The following DGKG variants were observed in gnomAD, a reference collection of about 807,000 sequenced individuals.
DGKG encodes diacylglycerol kinase gamma, also known as DAG kinase gamma.
In DGKG, 78 loss-of-function variants were observed where a neutral mutation model predicts 105.3. The ratio of observed to expected loss-of-function variants is 0.74; its 90% CI spans 0.62 to 0.89. The LOEUF (loss-of-function observed/expected upper bound fraction) is 0.89, where lower values mean the gene tolerates loss of function less well. DGKG is among the 40% of genes least tolerant of loss of function. The pLI, the probability that DGKG is intolerant of heterozygous loss-of-function variation, is 0.00. For missense variants in DGKG, 958 were observed against 1,020.1 expected, an observed-to-expected ratio of 0.94 and a Z score of 0.83; for synonymous variants, 346 against 367.1, an observed-to-expected ratio of 0.94 and a Z score of 0.66.
In DGKG at chr3:186,164,916, C is replaced by A; in HGVS notation, c.2198G>T (p.Cys733Phe). The A allele has an allele frequency of 1.9e-6, 3 of 1,613,366 alleles. No individual in the cohort carries two copies. The highest frequency in any genetic ancestry group is 2.5e-6 in the Non-Finnish European group (3 of 1,179,696). The change falls in exon 23 of 25, where the codon TGC becomes TTC. Residue 733 changes from cysteine to phenylalanine, a missense_variant. Around this residue, in one of 2 missense-constraint regions of DGKG, gnomAD observed 315 missense variants for 400.6 expected, o/e 0.79. Transcript: ENST00000265022. Reference sequence around the variant, plus strand: ...GGCATACCTGATGGTGACAGAGGCGCACTGGGCCAGCCTCCTGCCTGCACT... The same window carrying A: ...GGCATACCTGATGGTGACAGAGGCGAACTGGGCCAGCCTCCTGCCTGCACT... ...LKSAGRRLAQ[C>F]ASVTIRTNKL...
intron 22 of DGKG, among the ~76,000 whole-genome samples, chr3:186,186,087 A>T (rs1717618156): frequency 9.4e-6 from 1 of 106,448 alleles, no homozygotes; most frequent in African/African-American, 4.0e-5. Context: ...ACAGAGTGAG[A>T]CTCTGCCTCA....
intron 1 of DGKG, among the ~76,000 whole-genome samples, chr3:186,357,714 C>G (rs892641361): frequency 2.0e-5 from 3 of 152,208 alleles, no homozygotes; most frequent in African/African-American, 7.2e-5. Flanking sequence ...CTTTCTCTCC[C>G]TCATCTCTTC....
At chr3:186,221,472 A>G (rs965919149) in intron 20 of DGKG, among the ~76,000 whole-genome samples, 1 of 152,176 alleles carries the variant, frequency 6.6e-6, no homozygotes, top group Non-Finnish European at 1.5e-5. Flanking sequence ...GAGGGCATGG[A>G]ATAAGCTTGC....
chr3:186,286,576 AG>A (rs1422057420), intron 6 of DGKG, among the ~76,000 whole-genome samples: 1 of 152,260 alleles, frequency 6.6e-6, no homozygotes. Context: ...CATTGGCAAT[AG>A]GTGTGGGATT....
At chr3:186,303,875 A>T (rs1724094300) in intron 3 of DGKG, among the ~76,000 whole-genome samples, 1 of 152,144 alleles carries the variant, frequency 6.6e-6, no homozygotes, top group Admixed American at 6.5e-5. Flanking sequence ...CTCGTTTCTC[A>T]TTGAGACATT....
chr3:186,154,846 G>T (rs1715956736), intron 24 of DGKG, among the ~76,000 whole-genome samples: 1 of 152,002 alleles, frequency 6.6e-6, no homozygotes, highest in South Asian at 2.1e-4. Context: ...AAACTCTCTG[G>T]CATCCAGACT....
chr3:186,272,125 C>T, intron 11 of DGKG, 130 bp downstream of exon 11: 3 of 696,212 alleles, frequency 4.3e-6, no homozygotes, highest in Non-Finnish European at 7.7e-6. Flanking sequence ...GGATGGTTTA[C>T]AGGTGGTCCT....
intron 19 of DGKG, among the ~76,000 whole-genome samples, chr3:186,248,333 G>A (rs1721045608): frequency 6.6e-6 from 1 of 152,260 alleles, no homozygotes; most frequent in South Asian, 2.1e-4. Context: ...AGGCAGCTCT[G>A]CCAGTCTTGC....
chr3:186,203,384 G>A lies in DGKG; in HGVS notation c.1917+8411C>T, dbSNP rs1718570896. On this transcript the variant is annotated intron_variant, in intron 21 of 24. Coordinates refer to ENST00000265022, the MANE Select transcript of DGKG (RefSeq NM_001346.3). This position sits in a 1 kb window ranked among gnomAD's most constrained non-coding sequence, Gnocchi z 4.9. ...GTAGCAGTGCTGATTCCTGGTTGGTGGGATTGGGGGTTATTTTCTTTTTTG... is the reference window on the plus strand; with the variant it reads ...GTAGCAGTGCTGATTCCTGGTTGGTAGGATTGGGGGTTATTTTCTTTTTTG... 6.6e-6 allele frequency among the ~76,000 whole-genome samples: 1 copy of A among 152,216 alleles called. No homozygotes were observed. The highest frequency in any genetic ancestry group is 1.5e-5 in the Non-Finnish European group (1 of 68,042).
chr3:186,254,971 T>G (rs1721395527), intron 17 of DGKG, among the ~76,000 whole-genome samples: 1 of 152,220 alleles, frequency 6.6e-6, no homozygotes, highest in African/African-American at 2.4e-5. Flanking sequence ...TCAACCGTTC[T>G]CAAGTGTTTT....
intron 2 of DGKG, among the ~76,000 whole-genome samples, chr3:186,308,994 C>G (rs1724388561): frequency 6.6e-6 from 1 of 152,190 alleles, no homozygotes. Context: ...GGTTGTAACT[C>G]AGGTCTAGTC....
chr3:186,209,440 C>T (rs1718919101), intron 21 of DGKG, among the ~76,000 whole-genome samples: 1 of 152,104 alleles, frequency 6.6e-6, no homozygotes, highest in Admixed American at 6.5e-5. Flanking sequence ...CAGCTTGCTT[C>T]CCCATAAAAT....
intron 14 of DGKG, among the ~76,000 whole-genome samples, chr3:186,262,407 C>A (rs1321109487): frequency 1.3e-5 from 2 of 152,158 alleles, no homozygotes; most frequent in Non-Finnish European, 2.9e-5. Flanking sequence ...CTTGTCCTGC[C>A]AAGTCTTTCC....
chr3:186,311,313 G>GA (rs912061066), intron 2 of DGKG, among the ~76,000 whole-genome samples: 2 of 151,766 alleles, frequency 1.3e-5, no homozygotes, highest in East Asian at 1.9e-4. Context: ...ATTGCCAAGG[G>GA]AAAAAAAAGC....
intron 20 of DGKG, among the ~76,000 whole-genome samples, chr3:186,230,620 G>A (rs144145117): frequency 3.3e-5 from 5 of 152,268 alleles, no homozygotes; most frequent in African/African-American, 7.2e-5. Context: ...GACCACAAAC[G>A]TGTCCCAGGG....
chr3:186,209,601 G>A lies in DGKG; in HGVS notation c.1917+2194C>T, dbSNP rs534867407. Among the ~76,000 whole-genome samples the A allele has an allele frequency of 3.4e-4, 51 of 152,178 alleles. 1 individual carries two copies. The highest frequency in any genetic ancestry group is 1.2e-3 in the African/African-American group (51 of 41,540). On this transcript the variant is annotated intron_variant, in intron 21 of 24. Coordinates refer to ENST00000265022, the MANE Select transcript of DGKG (RefSeq NM_001346.3). ...CCTGGGGCTGGTGGGTCGTGTGCTG[G>A]TTCTCAAAGGCCTGGCCTGTTGTCT...
intron 21 of DGKG, among the ~76,000 whole-genome samples, chr3:186,205,891 A>G (rs1718707334): frequency 6.7e-6 from 1 of 150,324 alleles, no homozygotes; most frequent in African/African-American, 2.4e-5. Context: ...AATAAATACT[A>G]AAAAAAAAAT....
chr3:186,330,011 C>T (rs1416230458), intron 1 of DGKG, among the ~76,000 whole-genome samples: 6 of 152,156 alleles, frequency 3.9e-5, no homozygotes, highest in Admixed American at 3.9e-4. Flanking sequence ...TGATTCTCAA[C>T]CTTTTATTGA....
chr3:186,320,653 T>C lies in DGKG; in HGVS notation c.-194A>G. The C allele has an allele frequency of 2.6e-6, 2 of 758,684 alleles. No homozygotes were observed. The highest frequency in any genetic ancestry group is 6.9e-5 in the Admixed American group (2 of 29,002). 47.0% of individuals were successfully genotyped at this position (758,684 alleles called of 1,614,324 possible). On this transcript the variant is annotated 5_prime_UTR_variant, in exon 2 of 25. Coordinates refer to ENST00000265022, the MANE Select transcript of DGKG (RefSeq NM_001346.3). ...GATGAGACAAGATCTCTGCTATTCCTTAGGCAACATCCTCCTGTCTGTATT... is the reference window on the plus strand; with the variant it reads ...GATGAGACAAGATCTCTGCTATTCCCTAGGCAACATCCTCCTGTCTGTATT...
Sources: gnomAD v4.1 joint callset for allele counts (sites outside exome capture counted in the v4.1 genomes callset) on GRCh38, gnomAD v4.1.1 for gene constraint, gnomAD v4.1.1 regional missense constraint, Gnocchi (gnomAD v3.1) non-coding constraint, MANE v1.5 for transcripts, NCBI Gene and HGNC (gene_info 2026-07-23, HGNC 2026-07-21) for gene names.